The following CTNNA3 variants were observed in gnomAD, a reference collection of about 807,000 sequenced individuals.
CTNNA3 encodes catenin alpha 3.
A neutral mutation model predicts 95.7 loss-of-function variants in CTNNA3; 76 were observed. The ratio of observed to expected loss-of-function variants is 0.79; its 90% CI spans 0.66 to 0.96. The LOEUF (loss-of-function observed/expected upper bound fraction) is 0.96. Among genes scored for constraint, CTNNA3 ranks in the 40% least tolerant of loss-of-function variants. The probability of loss-of-function intolerance (pLI) is 0.00; values close to 1 mark genes in which losing one functional copy is unlikely to be tolerated. For synonymous variants in CTNNA3, 431 were observed against 374.4 expected (o/e 1.15, Z -1.74); for missense variants, 1,191 against 1,089.8 (o/e 1.09, Z -1.31).
chr10:65,912,915 A>G lies in CTNNA3; in HGVS notation c.*7415T>C, dbSNP rs1196475022. Reference sequence around the variant, plus strand: ...ATTTTATCTATAGCCAAAGCACAAAACTGCTTTGAACTGGTCATTAATATA... The same window carrying G: ...ATTTTATCTATAGCCAAAGCACAAAGCTGCTTTGAACTGGTCATTAATATA... On this transcript the variant is annotated 3_prime_UTR_variant, in exon 18 of 18. Transcript: ENST00000433211. 1 of 152,166 alleles carries G rather than the reference A, an allele frequency of 6.6e-6. No individual in the cohort carries two copies. Among genetic ancestry groups the G allele is most frequent in the Non-Finnish European group, 1.5e-5 (1 of 68,026 alleles). The allele number at this position is 152,166 out of a possible 1,614,324, so 9.4% of individuals were successfully genotyped here.
intron 11 of CTNNA3, among the ~76,000 whole-genome samples, chr10:66,412,151 C>T (rs1031999054): frequency 6.6e-6 from 1 of 151,794 alleles, no homozygotes; most frequent in South Asian, 2.1e-4. Flanking sequence ...AACATGCATT[C>T]GATATTCCAG....
chr10:67,512,064 C>A (rs929711960), intron 5 of CTNNA3, among the ~76,000 whole-genome samples: 6 of 152,032 alleles, frequency 3.9e-5, no homozygotes, highest in Non-Finnish European at 4.4e-5. Context: ...TCTTTTATTG[C>A]TTCTCTAAAT....
chr10:66,384,268 G>A (rs2456756), intron 11 of CTNNA3, among the ~76,000 whole-genome samples: 1 of 151,424 alleles, frequency 6.6e-6, no homozygotes. Context: ...CAAGCAAATG[G>A]AAAACAAAAA....
intron 10 of CTNNA3, among the ~76,000 whole-genome samples, chr10:66,524,751 A>T (rs1841190300): frequency 6.6e-6 from 1 of 152,052 alleles, no homozygotes; most frequent in South Asian, 2.1e-4. Context: ...TATAATGTTT[A>T]AAAAGAAAAA....
chr10:66,749,958 A>G (rs1464921626), intron 9 of CTNNA3, among the ~76,000 whole-genome samples: 2 of 152,222 alleles, frequency 1.3e-5, no homozygotes, highest in South Asian at 2.1e-4. Flanking sequence ...CAATTCCCCA[A>G]TGATATATGA....
At chr10:66,756,852 C>T (rs1165250844) in intron 9 of CTNNA3, among the ~76,000 whole-genome samples, 1 of 152,096 alleles carries the variant, frequency 6.6e-6, no homozygotes, top group African/African-American at 2.4e-5. Flanking sequence ...TAACAAAAAT[C>T]CACCTTGTTG....
intron 14 of CTNNA3, among the ~76,000 whole-genome samples, chr10:66,089,405 CCCTT>C (rs969626252): frequency 6.0e-5 from 9 of 151,046 alleles, no homozygotes; most frequent in Non-Finnish European, 1.2e-4. Context: ...CTTCCTTACT[CCCTT>C]CCTTCCTTCC....
At chr10:66,461,701 A>G (rs2093530599) in intron 11 of CTNNA3, among the ~76,000 whole-genome samples, 1 of 149,772 alleles carries the variant, frequency 6.7e-6, no homozygotes, top group African/African-American at 2.4e-5. Flanking sequence ...ATATATATAT[A>G]TATCAAGTGG....
intron 12 of CTNNA3, among the ~76,000 whole-genome samples, chr10:66,299,951 G>A (rs2091837147): frequency 6.6e-6 from 1 of 152,012 alleles, no homozygotes; most frequent in Non-Finnish European, 1.5e-5. Flanking sequence ...GGAGCACAAT[G>A]GCATGATCTC....
At chr10:66,026,951 C>T (rs1422471782) in intron 15 of CTNNA3, among the ~76,000 whole-genome samples, 2 of 151,906 alleles carry the variant, frequency 1.3e-5, no homozygotes, top group Non-Finnish European at 2.9e-5. Flanking sequence ...TATTTTTTCT[C>T]TTAAGTTCAG....
intron 11 of CTNNA3, among the ~76,000 whole-genome samples, chr10:66,410,725 T>A (rs1470942472): frequency 6.6e-6 from 1 of 152,188 alleles, no homozygotes; most frequent in Non-Finnish European, 1.5e-5. Flanking sequence ...TCACAGATCA[T>A]CTTCCCATCT....
intron 9 of CTNNA3, among the ~76,000 whole-genome samples, chr10:66,689,113 AATCAAT>A (rs1847417412): frequency 6.6e-6 from 1 of 151,984 alleles, no homozygotes; most frequent in Non-Finnish European, 1.5e-5. Context: ...TGAATCAATG[AATCAAT>A]GAATCAATGA....
chr10:67,222,391 G>A (rs904253199), intron 5 of CTNNA3, among the ~76,000 whole-genome samples: 6 of 152,056 alleles, frequency 3.9e-5, no homozygotes, highest in African/African-American at 1.2e-4. Context: ...CATCTCTTTC[G>A]GTGTCTGTCT....
chr10:67,065,318 TCA>T (rs1214261726), intron 7 of CTNNA3, among the ~76,000 whole-genome samples: 2 of 152,134 alleles, frequency 1.3e-5, no homozygotes, highest in African/African-American at 4.8e-5. Flanking sequence ...ATTCCTATCT[TCA>T]CAGAGTTGTG....
chr10:66,121,029 G>A (rs980383769), intron 13 of CTNNA3, among the ~76,000 whole-genome samples: 6 of 152,146 alleles, frequency 3.9e-5, no homozygotes, highest in Non-Finnish European at 2.9e-5. Context: ...CCTTTTCCAT[G>A]TAAAATCTAA....
chr10:66,618,214 A>G (rs1589504545), intron 10 of CTNNA3, among the ~76,000 whole-genome samples: 1 of 151,844 alleles, frequency 6.6e-6, no homozygotes, highest in African/African-American at 2.4e-5. Context: ...AAACTACTTT[A>G]AAGTTCATAT....
intron 7 of CTNNA3, among the ~76,000 whole-genome samples, chr10:67,143,715 G>A (rs1424304313): frequency 1.3e-5 from 2 of 152,048 alleles, no homozygotes; most frequent in African/African-American, 4.8e-5. Flanking sequence ...CCCATCTTCA[G>A]GCTCCATTTC....
intron 1 of CTNNA3, among the ~76,000 whole-genome samples, chr10:67,674,285 A>G (rs1384191265): frequency 1.3e-5 from 2 of 152,094 alleles, no homozygotes; most frequent in African/African-American, 2.4e-5. Flanking sequence ...GAATGTGCAC[A>G]TAGAGGGGCA....
At chr10:66,048,313 A>G (rs2079873330) in intron 15 of CTNNA3, among the ~76,000 whole-genome samples, 2 of 152,198 alleles carry the variant, frequency 1.3e-5, no homozygotes, top group South Asian at 4.1e-4. Context: ...GAGCCCAGAA[A>G]TAAAGCTGCA....
Sources: allele counts gnomAD v4.1 joint callset (sites outside exome capture counted in the v4.1 genomes callset), GRCh38; gene constraint gnomAD v4.1.1; transcripts MANE v1.5; gene names NCBI Gene and HGNC (gene_info 2026-07-23, HGNC 2026-07-21).